PDE4B: variants seen among roughly 807,000 people sequenced by gnomAD.
PDE4B encodes the protein phosphodiesterase 4B, also known as 3',5'-cyclic-AMP phosphodiesterase 4B.
In PDE4B, 20 loss-of-function variants were observed where a neutral mutation model predicts 82.2. The ratio of observed to expected loss-of-function variants is 0.24; its 90% CI spans 0.17 to 0.35. The LOEUF is 0.35. Ranked by LOEUF, PDE4B falls within the 10% of genes least tolerant of loss-of-function variation. The pLI is 1.00. For synonymous variants in PDE4B, 320 were observed against 318.9 expected (o/e 1.00, Z -0.04); for missense variants, 655 against 907.2 (o/e 0.72, Z 3.57).
In PDE4B at chr1:66,231,032, T is replaced by TA. The variant is rs11285418; in HGVS notation, c.282-16408dup. On this transcript the variant is annotated intron_variant, in intron 3 of 16. Transcript: ENST00000341517. ...CTGGGTGACAGAGCGAGAATCTGTC[T>TA]AAAAAAAAAAAAAAAAAAAATTCCT... is the stretch of plus-strand genomic sequence containing the variant. 5.5e-3 allele frequency among the ~76,000 whole-genome samples: 588 copies of TA among 106,846 alleles called. 3 individuals carry two copies. Among genetic ancestry groups the TA allele is most frequent in the Middle Eastern group, 0.011 (2 of 180 alleles). The allele number at this position is 106,846 out of a possible 152,430, so 70.1% of individuals were successfully genotyped here. A position where few individuals can be genotyped will look rare whatever the true frequency, so the allele number is the denominator to read the frequency against.
intron 7 of PDE4B, among the ~76,000 whole-genome samples, chr1:66,304,087 C>T (rs886152193): frequency 2.0e-5 from 3 of 152,042 alleles, no homozygotes; most frequent in African/African-American, 4.8e-5. Context: ...AACCTAGTAC[C>T]TACATGTACA....
chr1:66,037,040 G>A (rs754616047), intron 3 of PDE4B, among the ~76,000 whole-genome samples: 1 of 150,944 alleles, frequency 6.6e-6, no homozygotes, highest in Non-Finnish European at 1.5e-5. Flanking sequence ...GGCTGAGGCA[G>A]GAGAATCACT....
intron 1 of PDE4B, among the ~76,000 whole-genome samples, chr1:65,880,281 T>A (rs1646694797): frequency 6.6e-6 from 1 of 152,232 alleles, no homozygotes; most frequent in African/African-American, 2.4e-5. Context: ...ATACCAGGCC[T>A]GAGTAGGTGG....
chr1:66,031,158 CT>C (rs1215915672), intron 3 of PDE4B, among the ~76,000 whole-genome samples: 1 of 152,092 alleles, frequency 6.6e-6, no homozygotes, highest in Non-Finnish European at 1.5e-5. Context: ...CAAAAAAACC[CT>C]TGGACTTCTA....
intron 3 of PDE4B, among the ~76,000 whole-genome samples, chr1:66,073,192 A>C (rs1278702132): frequency 1.3e-5 from 2 of 151,852 alleles, no homozygotes; most frequent in Non-Finnish European, 2.9e-5. Context: ...AACAGATTGA[A>C]CCCTTCCATG....
At chr1:66,072,352 T>C (rs1476471539) in intron 3 of PDE4B, among the ~76,000 whole-genome samples, 1 of 152,150 alleles carries the variant, frequency 6.6e-6, no homozygotes, top group Non-Finnish European at 1.5e-5. Context: ...ATTTGGACTT[T>C]CCTTCTCTTT....
intron 3 of PDE4B, among the ~76,000 whole-genome samples, chr1:66,080,253 A>AC (rs1301878171): frequency 1.3e-5 from 2 of 152,160 alleles, no homozygotes; most frequent in Non-Finnish European, 2.9e-5. Flanking sequence ...AAATTGTGTC[A>AC]AAGTGTTACC....
chr1:66,062,997 TACAACATAG>T (rs1655662048), intron 3 of PDE4B: 1 of 152,046 alleles, frequency 6.6e-6, no homozygotes, highest in Non-Finnish European at 1.5e-5. Flanking sequence ...CAATCCCAAA[TACAACATAG>T]CCTGGTAGCT....
chr1:66,228,279 A>C (rs550627125), intron 3 of PDE4B, among the ~76,000 whole-genome samples: 1 of 152,114 alleles, frequency 6.6e-6, no homozygotes, highest in Admixed American at 6.5e-5. Context: ...TCTGGAGTCA[A>C]TTCTTCTATC....
intron 3 of PDE4B, among the ~76,000 whole-genome samples, chr1:66,227,147 G>A (rs920518788): frequency 6.6e-6 from 1 of 152,276 alleles, no homozygotes; most frequent in Middle Eastern, 3.4e-3. Flanking sequence ...TTCTGTTTCG[G>A]CCATGTGGCG....
intron 1 of PDE4B, among the ~76,000 whole-genome samples, chr1:65,857,424 CT>C (rs1198114966): frequency 6.6e-6 from 1 of 152,164 alleles, no homozygotes; most frequent in Non-Finnish European, 1.5e-5. Flanking sequence ...CTTCTCTTTA[CT>C]TTTTTATTTT....
At chr1:66,371,756 C>T (rs2050790960) in intron 16 of PDE4B, among the ~76,000 whole-genome samples, 1 of 152,166 alleles carries the variant, frequency 6.6e-6, no homozygotes, top group Non-Finnish European at 1.5e-5. Flanking sequence ...GGAGCCAGCT[C>T]CTCATCACTT....
At chr1:66,125,439 G>C (rs576160858) in intron 3 of PDE4B, among the ~76,000 whole-genome samples, 13 of 152,296 alleles carry the variant, frequency 8.5e-5, no homozygotes, top group South Asian at 2.1e-4. Flanking sequence ...TGGGATTACA[G>C]GCGTGAGCCA....
intron 1 of PDE4B, among the ~76,000 whole-genome samples, chr1:65,802,887 G>T (rs1212633933): frequency 1.3e-5 from 2 of 152,040 alleles, no homozygotes; most frequent in Admixed American, 1.3e-4. Context: ...CTACATTAAT[G>T]ATGACATATA....
chr1:65,875,038 C>T (rs28875206), intron 1 of PDE4B, among the ~76,000 whole-genome samples: 21,271 of 149,550 alleles, frequency 0.14, 1,791 homozygotes, highest in South Asian at 0.2. Context: ...AGAAAATTTT[C>T]GCAACCTACT....
intron 1 of PDE4B, among the ~76,000 whole-genome samples, chr1:65,862,393 T>A (rs1347365471): frequency 6.6e-6 from 1 of 152,230 alleles, no homozygotes; most frequent in East Asian, 1.9e-4. Flanking sequence ...ATCCTAGGGA[T>A]GAAGCTGACT....
chr1:66,264,291 T>C (rs1654883333), intron 6 of PDE4B, among the ~76,000 whole-genome samples: 1 of 152,202 alleles, frequency 6.6e-6, no homozygotes, highest in Non-Finnish European at 1.5e-5. Flanking sequence ...ATTTAATCTC[T>C]TAATTTTCCT....
chr1:66,019,886 A>G (rs1321019008), intron 3 of PDE4B, among the ~76,000 whole-genome samples: 1 of 152,216 alleles, frequency 6.6e-6, no homozygotes, highest in Non-Finnish European at 1.5e-5. Context: ...AGCTACAGGA[A>G]CTAAATGTAC....
intron 3 of PDE4B, among the ~76,000 whole-genome samples, chr1:65,923,180 T>TC (rs1370353244): frequency 6.6e-6 from 1 of 152,184 alleles, no homozygotes; most frequent in Non-Finnish European, 1.5e-5. Flanking sequence ...TAAGTCATCT[T>TC]CCACTGTAAA....
Sources: allele counts gnomAD v4.1 joint callset (sites outside exome capture counted in the v4.1 genomes callset), GRCh38; gene constraint gnomAD v4.1.1; transcripts MANE v1.5; gene names NCBI Gene and HGNC (gene_info 2026-07-23, HGNC 2026-07-21).